The following ERICH5 variants were observed in gnomAD, a reference collection of about 807,000 sequenced individuals.
ERICH5 encodes glutamate-rich protein 5.
ERICH5 carries 24 observed loss-of-function variants against 28.0 expected under a neutral mutation model. The ratio of observed to expected loss-of-function variants is 0.86; its 90% confidence interval spans 0.62 to 1.21. The LOEUF (loss-of-function observed/expected upper bound fraction) is 1.21. Ranked by LOEUF, ERICH5 falls within the 50% of genes most tolerant of loss-of-function variation. The pLI is 0.00. For synonymous variants in ERICH5, 163 were observed against 157.6 expected (o/e 1.03, Z -0.25); for missense variants, 421 against 441.2 (o/e 0.95, Z 0.41).
intron 1 of ERICH5, among the ~76,000 whole-genome samples, chr8:98,072,636 T>TA: frequency 6.6e-6 from 1 of 151,512 alleles, no homozygotes; most frequent in South Asian, 2.1e-4. Flanking sequence ...AGACTCCATC[T>TA]AAAAAAAAAT....
At chr8:98,082,587 G>A (rs948262522) in intron 1 of ERICH5, among the ~76,000 whole-genome samples, 1 of 150,850 alleles carries the variant, frequency 6.6e-6, no homozygotes, top group African/African-American at 2.4e-5. Flanking sequence ...AGAGATTGCA[G>A]TGAGCCAAGA....
chr8:98,073,081 G>A (rs1814949842), intron 1 of ERICH5, among the ~76,000 whole-genome samples: 1 of 152,000 alleles, frequency 6.6e-6, no homozygotes, highest in South Asian at 2.1e-4. Flanking sequence ...CATTTCAACT[G>A]AAAGACAGTA....
At chr8:98,069,705 T>A (rs921385849) in intron 1 of ERICH5, among the ~76,000 whole-genome samples, 2 of 152,250 alleles carry the variant, frequency 1.3e-5, no homozygotes, top group African/African-American at 2.4e-5. Flanking sequence ...TGTGCAAGTA[T>A]ATCTGTAGGA....
At chr8:98,092,965 G>A (rs907479177) in intron 2 of ERICH5, among the ~76,000 whole-genome samples, 2 of 151,926 alleles carry the variant, frequency 1.3e-5, no homozygotes, top group South Asian at 2.1e-4. Flanking sequence ...TAGTAGAGAC[G>A]GGGTTTCATT....
chr8:98,079,441 CA>C (rs1309198920), intron 1 of ERICH5, among the ~76,000 whole-genome samples: 6 of 152,130 alleles, frequency 3.9e-5, no homozygotes, highest in Admixed American at 6.5e-5. Flanking sequence ...AGCCAGCAAA[CA>C]GAATGAAACA....
chr8:98,067,066 G>A (rs533288006), intron 1 of ERICH5, among the ~76,000 whole-genome samples: 1 of 152,272 alleles, frequency 6.6e-6, no homozygotes, highest in African/African-American at 2.4e-5. Flanking sequence ...TATTATGGTT[G>A]TCCTGTTTTT....
At chr8:98,068,630 G>T (rs145238730) in intron 1 of ERICH5, among the ~76,000 whole-genome samples, 2 of 152,118 alleles carry the variant, frequency 1.3e-5, no homozygotes, top group East Asian at 3.8e-4. Context: ...GTGCCTGAAG[G>T]TGTCTATAGA....
Position 98,089,430 on chromosome 8 carries a change from C to G in ERICH5, c.413C>G (p.Thr138Arg). Reference protein sequence around the residue: ...EGKKKDAGAGTEAESLKGNAE... With the variant: ...EGKKKDAGAGREAESLKGNAE... ...AAGAAGAAAGATGCAGGAGCAGGGA[C>G]AGAGGCCGAGTCTCTAAAAGGAAAT... Residue 138 changes from threonine (T) to arginine (R), a missense_variant, in exon 2 of 3, where the codon ACA becomes AGA. Coordinates refer to ENST00000318528, the MANE Select transcript of ERICH5 (RefSeq NM_173549.3). 1 of 1,614,250 alleles carries G rather than the reference C, an allele frequency of 6.2e-7. No homozygotes were observed. The highest frequency in any genetic ancestry group is 8.5e-7 in the Non-Finnish European group (1 of 1,180,048).
At chr8:98,069,980 T>C (rs1169205628) in intron 1 of ERICH5, among the ~76,000 whole-genome samples, 2 of 152,194 alleles carry the variant, frequency 1.3e-5, no homozygotes, top group African/African-American at 2.4e-5. Flanking sequence ...ATCCTCACAA[T>C]AGCCTTAAAA....
At chr8:98,066,861 A>G (rs1390777854) in intron 1 of ERICH5, among the ~76,000 whole-genome samples, 1 of 152,194 alleles carries the variant, frequency 6.6e-6, no homozygotes, top group Non-Finnish European at 1.5e-5. Flanking sequence ...CAACTTCTTT[A>G]AATCCTATAT....
intron 2 of ERICH5, among the ~76,000 whole-genome samples, chr8:98,091,702 T>C (rs916359645): frequency 4.6e-5 from 7 of 152,198 alleles, no homozygotes; most frequent in Non-Finnish European, 8.8e-5. Context: ...TCCAGACTTG[T>C]TAGTGTTGGC....
intron 1 of ERICH5, among the ~76,000 whole-genome samples, chr8:98,068,435 G>A (rs944433036): frequency 3.9e-5 from 6 of 152,158 alleles, no homozygotes; most frequent in Non-Finnish European, 5.9e-5. Context: ...TTTTTATGAC[G>A]TGCCCTGAAA....
intron 1 of ERICH5, among the ~76,000 whole-genome samples, chr8:98,082,832 C>T (rs2513832): frequency 0.53 from 79,923 of 151,818 alleles, 21,881 homozygotes; most frequent in Middle Eastern, 0.62. Flanking sequence ...GGTCATGCCA[C>T]TCCACTCTAG....
intron 1 of ERICH5, among the ~76,000 whole-genome samples, chr8:98,077,509 G>T (rs1815079186): frequency 6.6e-6 from 1 of 152,136 alleles, no homozygotes; most frequent in Non-Finnish European, 1.5e-5. Context: ...TGAAATAAGA[G>T]TTTATCTTAT....
intron 1 of ERICH5, among the ~76,000 whole-genome samples, chr8:98,075,147 A>T (rs948389062): frequency 6.6e-6 from 1 of 152,100 alleles, no homozygotes; most frequent in Non-Finnish European, 1.5e-5. Context: ...TCTCAAAGGT[A>T]CATGTGGTTG....
At chr8:98,075,785 C>CTTTTTATTTTTTTT (rs1815041038) in intron 1 of ERICH5, among the ~76,000 whole-genome samples, 1 of 81,646 alleles carries the variant, frequency 1.2e-5, no homozygotes, top group African/African-American at 4.6e-5. Flanking sequence ...GCACACCTGC[C>CTTTTTATTTTTTTT]TTTTTTTTTT....
chr8:98,086,319 G>T (rs1408562025), intron 1 of ERICH5, among the ~76,000 whole-genome samples: 4 of 152,118 alleles, frequency 2.6e-5, no homozygotes, highest in African/African-American at 9.7e-5. Flanking sequence ...CCCTGATACC[G>T]CAGGATCCTT....
In ERICH5 at chr8:98,089,540, G is replaced by A; in HGVS notation, c.523G>A (p.Val175Ile). The A allele has an allele frequency of 1.2e-6, 2 of 1,614,158 alleles. No individual in the cohort carries two copies. The highest frequency in any genetic ancestry group is 2.2e-5 in the East Asian group (1 of 44,890). ...VEKDSLRAVEVTENPQTAAEM... is the reference protein window; with the variant it reads ...VEKDSLRAVEITENPQTAAEM... ...GAAGGACTCTCTCAGAGCAGTGGAG[G>A]TCACTGAGAATCCACAAACTGCTGC... is the stretch of plus-strand genomic sequence containing the variant. The change falls in exon 2 of 3, where the codon GTC (valine) becomes ATC (isoleucine). Residue 175 changes from valine to isoleucine, a missense_variant. Coordinates refer to ENST00000318528, the MANE Select transcript of ERICH5 (RefSeq NM_173549.3).
intron 1 of ERICH5, among the ~76,000 whole-genome samples, chr8:98,085,462 C>A (rs974760920): frequency 3.3e-5 from 5 of 152,034 alleles, no homozygotes; most frequent in African/African-American, 9.7e-5. Flanking sequence ...CGCTCCCGGC[C>A]GTTCCACAGA....
Sources: allele counts gnomAD v4.1 joint callset (sites outside exome capture counted in the v4.1 genomes callset), GRCh38; gene constraint gnomAD v4.1.1; transcripts MANE v1.5; gene names NCBI Gene and HGNC (gene_info 2026-07-23, HGNC 2026-07-21).